UBASH3B: variants seen among roughly 807,000 people sequenced by gnomAD.
The protein encoded by UBASH3B is ubiquitin-associated and SH3 domain-containing protein B.
In UBASH3B, 37 loss-of-function variants were observed where a neutral mutation model predicts 83.4. That is an observed-to-expected ratio of 0.44 (90% CI 0.34 to 0.58). The LOEUF (loss-of-function observed/expected upper bound fraction) is 0.58. Among genes scored for constraint, UBASH3B ranks in the 20% least tolerant of loss-of-function variants. The probability of loss-of-function intolerance (pLI) is 0.01; values close to 1 mark genes in which losing one functional copy is unlikely to be tolerated. For synonymous variants in UBASH3B, 304 were observed against 318.3 expected (o/e 0.96, Z 0.48); for missense variants, 657 against 827.2 (o/e 0.79, Z 2.52).
chr11:122,707,997 C>T (rs188993011), intron 1 of UBASH3B, among the ~76,000 whole-genome samples: 4 of 152,206 alleles, frequency 2.6e-5, no homozygotes, highest in Non-Finnish European at 5.9e-5. Context: ...CACCTGGCCT[C>T]TAATATATAA....
rs537176625 is a variant in UBASH3B at position 122,813,141 on chromosome 11, G to T, written c.*3255G>T. The stretch of plus-strand genomic sequence containing the variant: ...AAATATGCCTTCTGGAGTGATGTCT[G>T]TTTGGTAAATCATTGTTGATAATTT... On this transcript the variant is annotated 3_prime_UTR_variant, in exon 14 of 14. Transcript: ENST00000284273. 1.3e-5 allele frequency: 2 copies of T among 152,342 alleles called. No individual in the cohort carries two copies. Among genetic ancestry groups the T allele is most frequent in the African/African-American group, 2.4e-5 (1 of 41,444 alleles). The allele number at this position is 152,342 out of a possible 1,614,324, so 9.4% of individuals were successfully genotyped here.
At chr11:122,772,708 AG>A (rs1470573765) in intron 1 of UBASH3B, among the ~76,000 whole-genome samples, 1 of 152,226 alleles carries the variant, frequency 6.6e-6, no homozygotes, top group Non-Finnish European at 1.5e-5. Context: ...GAGCACTGCA[AG>A]GCCATTGGCG....
chr11:122,715,248 A>G (rs1253102523), intron 1 of UBASH3B, among the ~76,000 whole-genome samples: 2 of 152,204 alleles, frequency 1.3e-5, no homozygotes, highest in Non-Finnish European at 2.9e-5. Flanking sequence ...CCCAGCCGAG[A>G]TAAATGTTAA....
At chr11:122,656,248 C>T (rs1305875085) in intron 1 of UBASH3B, 38 bp downstream of exon 1, 10 of 1,363,784 alleles carry the variant, frequency 7.3e-6, no homozygotes, top group Admixed American at 6.9e-5. Flanking sequence ...CGACCCCTCC[C>T]GCGCGCGCGG....
intron 1 of UBASH3B, among the ~76,000 whole-genome samples, chr11:122,760,041 C>T (rs913074251): frequency 1.3e-5 from 2 of 152,206 alleles, no homozygotes; most frequent in African/African-American, 4.8e-5. Flanking sequence ...TATACATATA[C>T]CTTTAACATC....
chr11:122,683,643 A>G (rs1475376710), intron 1 of UBASH3B, among the ~76,000 whole-genome samples: 1 of 150,910 alleles, frequency 6.6e-6, no homozygotes, highest in Non-Finnish European at 1.5e-5. Context: ...ATAAAATATG[A>G]CCACAGGATC....
intron 1 of UBASH3B, among the ~76,000 whole-genome samples, chr11:122,720,782 A>G (rs904596552): frequency 6.6e-6 from 1 of 152,136 alleles, no homozygotes; most frequent in African/African-American, 2.4e-5. Context: ...TCCATGCAAA[A>G]TAGGAATCCC....
chr11:122,664,926 T>C (rs1863494661), intron 1 of UBASH3B, among the ~76,000 whole-genome samples: 1 of 152,242 alleles, frequency 6.6e-6, no homozygotes, highest in East Asian at 1.9e-4. Context: ...GCCTTTTTTT[T>C]GAGACGGAGT....
At chr11:122,776,925 G>C in intron 2 of UBASH3B, 99 bp from the exon 3 acceptor site, 3 of 1,175,570 alleles carry the variant, frequency 2.6e-6, no homozygotes, top group Non-Finnish European at 3.6e-6. Flanking sequence ...CGCTGTGCCG[G>C]GGATTTGGAG....
intron 1 of UBASH3B, among the ~76,000 whole-genome samples, chr11:122,688,074 G>T (rs1035971778): frequency 3.3e-5 from 5 of 152,058 alleles, no homozygotes; most frequent in African/African-American, 9.7e-5. Flanking sequence ...CAACTGCCTT[G>T]GTTTCCCACC....
chr11:122,766,895 A>G (rs1860551610), intron 1 of UBASH3B, among the ~76,000 whole-genome samples: 1 of 152,234 alleles, frequency 6.6e-6, no homozygotes, highest in Non-Finnish European at 1.5e-5. Context: ...CCACCCACCC[A>G]TGTCTCCAGC....
At position 122,806,553 on chromosome 11, in the gene UBASH3B, G is replaced by A. The variant is rs370960873; in HGVS notation, c.1702+37G>A. The A allele has an allele frequency of 3.3e-5, 50 of 1,529,864 alleles. No individual in the cohort carries two copies. The African/African-American group carries it at 5.8e-4, about 18-fold the overall frequency. 94.8% of individuals were successfully genotyped at this position (1,529,864 alleles called of 1,614,324 possible). A position where few individuals can be genotyped will look rare whatever the true frequency, so the allele number is the denominator to read the frequency against. On this transcript the variant is annotated intron_variant, in intron 12 of 13. Coordinates refer to ENST00000284273, the MANE Select transcript of UBASH3B (RefSeq NM_032873.5). This position sits in a 1 kb window ranked among gnomAD's most constrained non-coding sequence, Gnocchi z 4.0. ...TATTCTGAACTCCATCTGTACATAC[G>A]TGATTATTTCTCTATAATGGTTAAT...
At chr11:122,696,959 T>C (rs2135924786) in intron 1 of UBASH3B, among the ~76,000 whole-genome samples, 1 of 152,314 alleles carries the variant, frequency 6.6e-6, no homozygotes, top group East Asian at 1.9e-4. Context: ...CGTATTGTTT[T>C]TCAAGTAAAG....
At chr11:122,757,043 A>G (rs1165818055) in intron 1 of UBASH3B, among the ~76,000 whole-genome samples, 1 of 152,212 alleles carries the variant, frequency 6.6e-6, no homozygotes, top group Non-Finnish European at 1.5e-5. Context: ...ATCGTATCCT[A>G]AATATCGTAT....
intron 1 of UBASH3B, among the ~76,000 whole-genome samples, chr11:122,752,386 G>T (rs1433500792): frequency 6.6e-6 from 1 of 152,214 alleles, no homozygotes; most frequent in African/African-American, 2.4e-5. Flanking sequence ...GAATGATAGG[G>T]TTATAGGGGG....
rs146269372 is a variant in UBASH3B, at chr11:122,813,700, A to G, written c.*3814A>G. 1.3e-5 allele frequency: 2 copies of G among 152,292 alleles called. No homozygotes were observed. The highest frequency in any genetic ancestry group is 2.4e-5 in the African/African-American group (1 of 41,572). The allele number at this position is 152,292 out of a possible 1,614,324, so 9.4% of individuals were successfully genotyped here. A position where few individuals can be genotyped will look rare whatever the true frequency, so the allele number is the denominator to read the frequency against. ...TGGGGTAAAGAGCGATTTAACATCT[A>G]TTTAGGTTAATGTTCACTTTACAAA... On this transcript the variant is annotated 3_prime_UTR_variant, in exon 14 of 14. Transcript: ENST00000284273.
chr11:122,800,953 C>T (rs1374139260), intron 10 of UBASH3B, among the ~76,000 whole-genome samples: 1 of 152,112 alleles, frequency 6.6e-6, no homozygotes, highest in Non-Finnish European at 1.5e-5. Context: ...TTCCTGAAGT[C>T]AGATATGACT....
At position 122,674,404 on chromosome 11, in the gene UBASH3B, G is replaced by A. The variant is rs1275951011; in HGVS notation, c.161+18194G>A. On this transcript the variant is annotated intron_variant, in intron 1 of 13. Transcript: ENST00000284273. Reference sequence around the variant, plus strand: ...CTTTTTTTTTTTTTTTTTTTGAGACGGAGTCTAGCTCTGTTGCTGAGGCTG... The same window carrying A: ...CTTTTTTTTTTTTTTTTTTTGAGACAGAGTCTAGCTCTGTTGCTGAGGCTG... Among the ~76,000 whole-genome samples the A allele has an allele frequency of 3.5e-5, 5 of 144,636 alleles. No homozygotes were observed. The South Asian group carries it at 6.5e-4, about 19-fold the overall frequency. 94.9% of individuals were successfully genotyped at this position (144,636 alleles called of 152,430 possible).
At chr11:122,714,521 C>T (rs1172481493) in intron 1 of UBASH3B, among the ~76,000 whole-genome samples, 1 of 152,182 alleles carries the variant, frequency 6.6e-6, no homozygotes, top group South Asian at 2.1e-4. Context: ...AGGTATTTGG[C>T]CCAGAGGCAG....
Sources: allele counts gnomAD v4.1 joint callset (sites outside exome capture counted in the v4.1 genomes callset), GRCh38; gene constraint gnomAD v4.1.1; non-coding constraint Gnocchi (gnomAD v3.1); transcripts MANE v1.5; gene names NCBI Gene and HGNC (gene_info 2026-07-23, HGNC 2026-07-21).